Variants in ADARB2 observed in about 807,000 individuals in gnomAD.
ADARB2 encodes the protein adenosine deaminase RNA specific B2 (inactive), also known as inactive double-stranded RNA-specific editase B2.
Under a neutral mutation model 62.2 loss-of-function variants are expected in ADARB2, and 25 were observed. The observed-to-expected ratio is 0.40, with a 90% CI of 0.29 to 0.56. The LOEUF is 0.56. Among genes scored for constraint, ADARB2 ranks in the 20% least tolerant of loss-of-function variants. ADARB2 has a pLI of 0.43. For missense variants in ADARB2, 1,071 were observed against 1,077.4 expected, an observed-to-expected ratio of 0.99 and a Z score of 0.08; for synonymous variants, 572 against 500.8, an observed-to-expected ratio of 1.14 and a Z score of -1.90.
intron 7 of ADARB2, among the ~76,000 whole-genome samples, chr10:1,204,395 C>T (rs1023400401): frequency 7.2e-5 from 11 of 152,194 alleles, no homozygotes; most frequent in African/African-American, 2.2e-4. Flanking sequence ...AGACAAAGCA[C>T]GGCAAAGCAG....
intron 1 of ADARB2, among the ~76,000 whole-genome samples, chr10:1,658,594 A>G (rs933337845): frequency 6.6e-6 from 1 of 152,186 alleles, no homozygotes; most frequent in African/African-American, 2.4e-5. Flanking sequence ...GCATCAGCAC[A>G]GGACCCAGTG....
chr10:1,616,428 G>A (rs1229279260), intron 1 of ADARB2, among the ~76,000 whole-genome samples: 10 of 151,396 alleles, frequency 6.6e-5, no homozygotes, highest in Non-Finnish European at 1.5e-5. Flanking sequence ...GGCCTCAGAG[G>A]GTTGCATTCT....
intron 7 of ADARB2, among the ~76,000 whole-genome samples, chr10:1,207,268 C>T (rs1365506772): frequency 6.6e-6 from 1 of 152,202 alleles, no homozygotes; most frequent in Non-Finnish European, 1.5e-5. Context: ...ATTGCTTGAA[C>T]CTGGGAGGCA....
chr10:1,514,028 G>C (rs998752972), intron 1 of ADARB2, among the ~76,000 whole-genome samples: 5 of 151,384 alleles, frequency 3.3e-5, no homozygotes, highest in African/African-American at 1.2e-4. Flanking sequence ...TTAGAGACCA[G>C]TCTGGGCAAC....
intron 6 of ADARB2, among the ~76,000 whole-genome samples, chr10:1,229,534 A>G (rs1830778178): frequency 6.6e-6 from 1 of 152,062 alleles, no homozygotes; most frequent in Non-Finnish European, 1.5e-5. Context: ...CTTATGCCCT[A>G]CTCTGTGTTC....
chr10:1,682,194 A>G (rs1049163277), intron 1 of ADARB2, among the ~76,000 whole-genome samples: 4 of 152,222 alleles, frequency 2.6e-5, no homozygotes, highest in Admixed American at 6.5e-5. Flanking sequence ...AGATGGAAGA[A>G]CATGGAGGAA....
chr10:1,507,077 T>C (rs1831861907), intron 1 of ADARB2, among the ~76,000 whole-genome samples: 2 of 152,228 alleles, frequency 1.3e-5, no homozygotes, highest in Non-Finnish European at 1.5e-5. Flanking sequence ...CCCGCTGCTA[T>C]GGCTGCCCAA....
intron 1 of ADARB2, among the ~76,000 whole-genome samples, chr10:1,683,015 C>T (rs1293510682): frequency 6.6e-6 from 1 of 152,202 alleles, no homozygotes; most frequent in Non-Finnish European, 1.5e-5. Flanking sequence ...CGAACGTTGT[C>T]ATTCATCACA....
At chr10:1,392,327 C>G (rs1832577482) in intron 1 of ADARB2, among the ~76,000 whole-genome samples, 1 of 152,196 alleles carries the variant, frequency 6.6e-6, no homozygotes, top group African/African-American at 2.4e-5. Flanking sequence ...GGCTACAATA[C>G]TTCAGCCTCT....
intron 1 of ADARB2, among the ~76,000 whole-genome samples, chr10:1,571,297 T>TA (rs1554772644): frequency 3.2e-4 from 49 of 151,218 alleles, no homozygotes; most frequent in African/African-American, 1.0e-3. Context: ...TTTTTTTTTT[T>TA]AAAAAAAGCC....
chr10:1,502,183 C>T (rs962082084), intron 1 of ADARB2, among the ~76,000 whole-genome samples: 3 of 152,246 alleles, frequency 2.0e-5, no homozygotes, highest in Non-Finnish European at 2.9e-5. Context: ...TTCTCGTTCA[C>T]CAGCCTCAGT....
intron 3 of ADARB2, among the ~76,000 whole-genome samples, chr10:1,272,359 C>T (rs180774024): frequency 1.1e-4 from 16 of 152,314 alleles, no homozygotes; most frequent in African/African-American, 3.6e-4. Context: ...TGATTAATAA[C>T]GCTAAGAAAG....
chr10:1,208,015 C>T (rs558211169), intron 7 of ADARB2, among the ~76,000 whole-genome samples: 40 of 152,332 alleles, frequency 2.6e-4, no homozygotes, highest in African/African-American at 9.4e-4. Context: ...GTGTCCGACC[C>T]TCTTCCCATG....
chr10:1,316,344 G>A (rs901821491), intron 3 of ADARB2, among the ~76,000 whole-genome samples: 2 of 152,200 alleles, frequency 1.3e-5, no homozygotes, highest in South Asian at 2.1e-4. Context: ...GTCCAGGCTC[G>A]CCTCACCCAG....
In ADARB2 at chr10:1,647,729, CAT is replaced by C. The variant is rs911792310; in HGVS notation, c.100+89320_100+89321del. 2.1e-3 allele frequency among the ~76,000 whole-genome samples: 316 copies of C among 150,880 alleles called. 1 individual carries two copies. The highest frequency in any genetic ancestry group is 7.3e-3 in the African/African-American group (299 of 40,992). On this transcript the variant is annotated intron_variant, in intron 1 of 9. Transcript: ENST00000381312. ...GTGTGTATATGCATGTATGTGCATG[CAT>C]ATGTGTATATATGTATGTGTGTATA...
rs187991512 is a variant in ADARB2, at chr10:1,330,925, A to G, written c.1077+32103T>C. ...ATACCCGAATACATAATAACATTTTATAACTCAGCAATAAGTAGGCCCAAA... is the reference window on the plus strand; with the variant it reads ...ATACCCGAATACATAATAACATTTTGTAACTCAGCAATAAGTAGGCCCAAA... On this transcript the variant is annotated intron_variant, in intron 3 of 9. Coordinates refer to ENST00000381312, the MANE Select transcript of ADARB2 (RefSeq NM_018702.4). 5.2e-3 allele frequency among the ~76,000 whole-genome samples: 791 copies of G among 152,370 alleles called. 5 individuals carry two copies. Among genetic ancestry groups the G allele is most frequent in the Non-Finnish European group, 6.9e-3 (467 of 68,040 alleles).
intron 3 of ADARB2, among the ~76,000 whole-genome samples, chr10:1,288,132 C>T (rs1010555338): frequency 1.3e-5 from 2 of 152,242 alleles, no homozygotes; most frequent in Non-Finnish European, 2.9e-5. Context: ...AGAGCCCTGA[C>T]TGCAGACAGG....
At chr10:1,341,913 T>G (rs928912558) in intron 3 of ADARB2, among the ~76,000 whole-genome samples, 11 of 152,236 alleles carry the variant, frequency 7.2e-5, no homozygotes, top group Non-Finnish European at 1.6e-4. Flanking sequence ...GGCGATTTCC[T>G]TCAGGCGGAA....
chr10:1,506,135 G>A (rs1168396253), intron 1 of ADARB2, among the ~76,000 whole-genome samples: 1 of 146,366 alleles, frequency 6.8e-6, no homozygotes, highest in African/African-American at 2.5e-5. Context: ...ACTTTTTACT[G>A]TCTGTCATGA....
Sources: gnomAD v4.1 joint callset for allele counts (sites outside exome capture counted in the v4.1 genomes callset) on GRCh38, gnomAD v4.1.1 for gene constraint, MANE v1.5 for transcripts, NCBI Gene and HGNC (gene_info 2026-07-23, HGNC 2026-07-21) for gene names.